WWOX: variants seen among roughly 807,000 people sequenced by gnomAD.
The protein encoded by WWOX is WW domain-containing oxidoreductase.
Under a neutral mutation model 46.2 loss-of-function variants are expected in WWOX, and 69 were observed. The ratio of observed to expected loss-of-function variants is 1.49; its 90% CI spans 1.23 to 1.82. WWOX has a LOEUF of 1.82. Ranked by LOEUF, WWOX falls within the 40% of genes most tolerant of loss-of-function variation. The pLI is 0.00. For synonymous variants in WWOX, 359 were observed against 202.6 expected, an observed-to-expected ratio of 1.77 and a Z score of -6.56; for missense variants, 919 against 542.6, an observed-to-expected ratio of 1.69 and a Z score of -6.89.
chr16:78,174,576 C>T (rs992582009), intron 5 of WWOX, among the ~76,000 whole-genome samples: 3 of 152,202 alleles, frequency 2.0e-5, no homozygotes, highest in South Asian at 4.1e-4. Flanking sequence ...TCCCCAAAAT[C>T]TTAACTCATT....
At chr16:78,993,636 A>G (rs1597249355) in intron 8 of WWOX, among the ~76,000 whole-genome samples, 1 of 152,246 alleles carries the variant, frequency 6.6e-6, no homozygotes, top group South Asian at 2.1e-4. Context: ...CTCCAGAGTG[A>G]GCCCATGGCT....
chr16:78,850,043 G>T (rs1304515097), intron 8 of WWOX, among the ~76,000 whole-genome samples: 2 of 151,872 alleles, frequency 1.3e-5, no homozygotes, highest in East Asian at 1.9e-4. Context: ...TTGCACTCCA[G>T]CCTGGGCAAC....
chr16:78,142,142 A>G (rs545469033), intron 4 of WWOX, among the ~76,000 whole-genome samples: 65 of 152,246 alleles, frequency 4.3e-4, no homozygotes, highest in African/African-American at 1.6e-3. Context: ...AACTAGAAAT[A>G]TTTGTTATTA....
intron 8 of WWOX, among the ~76,000 whole-genome samples, chr16:78,913,080 C>A (rs2045153706): frequency 6.6e-6 from 1 of 151,920 alleles, no homozygotes; most frequent in Non-Finnish European, 1.5e-5. Flanking sequence ...GGATTTCAGC[C>A]CTAGCTTTTG....
At chr16:79,178,892 G>A (rs2050855151) in intron 8 of WWOX, among the ~76,000 whole-genome samples, 1 of 152,064 alleles carries the variant, frequency 6.6e-6, no homozygotes, top group Admixed American at 6.5e-5. Flanking sequence ...CTTCATGGTG[G>A]CACAGAGAGC....
Position 78,383,496 on chromosome 16 carries a change from C to T in WWOX, c.517-3364C>T, listed in dbSNP as rs12448513. Among the ~76,000 whole-genome samples the T allele has an allele frequency of 6.6e-3, 1,001 of 152,166 alleles. 11 individuals are homozygous for T. The highest frequency in any genetic ancestry group is 0.023 in the African/African-American group (943 of 41,522). On this transcript the variant is annotated intron_variant, in intron 5 of 8. Coordinates refer to ENST00000566780, the MANE Select transcript of WWOX (RefSeq NM_016373.4). ...GGGAGGAAATCTCACCTTGGCAGATCGAGTCTCTTGTCCTCGCCTAACAAT... is the reference window on the plus strand; with the variant it reads ...GGGAGGAAATCTCACCTTGGCAGATTGAGTCTCTTGTCCTCGCCTAACAAT...
chr16:78,678,321 G>A (rs1009238647), intron 8 of WWOX, among the ~76,000 whole-genome samples: 1 of 152,200 alleles, frequency 6.6e-6, no homozygotes, highest in African/African-American at 2.4e-5. Flanking sequence ...GGCTGCAGTA[G>A]GGTATGAGCG....
At chr16:78,291,113 A>G (rs1693285091) in intron 5 of WWOX, among the ~76,000 whole-genome samples, 1 of 152,200 alleles carries the variant, frequency 6.6e-6, no homozygotes, top group South Asian at 2.1e-4. Context: ...GATGTTTTTC[A>G]GTAGTGTCAT....
At chr16:79,152,607 G>A (rs2050302621) in intron 8 of WWOX, among the ~76,000 whole-genome samples, 2 of 151,642 alleles carry the variant, frequency 1.3e-5, no homozygotes, top group Non-Finnish European at 2.9e-5. Context: ...GGAGGCAGAG[G>A]TTGCAGTGAG....
intron 8 of WWOX, among the ~76,000 whole-genome samples, chr16:79,117,033 A>G (rs375503566): frequency 5.5e-5 from 8 of 146,356 alleles, no homozygotes; most frequent in African/African-American, 1.7e-4. Context: ...ATTGTCAACA[A>G]GTGGAATATT....
rs191500280 is a variant in WWOX at position 78,632,467 on chromosome 16, A to C, written c.1056+199715A>C. On this transcript the variant is annotated intron_variant, in intron 8 of 8. Transcript: ENST00000566780. Reference sequence around the variant, plus strand: ...TTTTTGAAGAGGGTGTAGGCCAAGAAAGGGGTGGGAGAAACGAGCAAGGTG... The same window carrying C: ...TTTTTGAAGAGGGTGTAGGCCAAGACAGGGGTGGGAGAAACGAGCAAGGTG... Among the ~76,000 whole-genome samples, 165 of 151,776 alleles carry C rather than the reference A, an allele frequency of 1.1e-3. 1 individual carries two copies. The highest frequency in any genetic ancestry group is 3.8e-3 in the African/African-American group (159 of 41,408).
chr16:78,157,956 C>A (rs551876118), intron 4 of WWOX, among the ~76,000 whole-genome samples: 2 of 152,188 alleles, frequency 1.3e-5, no homozygotes, highest in African/African-American at 4.8e-5. Context: ...GTTAGGCTCT[C>A]AATATATGTT....
chr16:78,722,698 G>GTTTTTT (rs56266240), intron 8 of WWOX, among the ~76,000 whole-genome samples: 7 of 116,296 alleles, frequency 6.0e-5, no homozygotes, highest in Non-Finnish European at 5.2e-5. Context: ...GTTTGTCTCT[G>GTTTTTT]TTTTTTTTTT....
At chr16:78,558,428 C>T (rs531902494) in intron 8 of WWOX, among the ~76,000 whole-genome samples, 17 of 152,336 alleles carry the variant, frequency 1.1e-4, no homozygotes, top group African/African-American at 3.6e-4. Context: ...CTGCTTATCT[C>T]GACAAAGCAG....
chr16:78,722,253 T>C (rs937464817), intron 8 of WWOX, among the ~76,000 whole-genome samples: 6 of 152,112 alleles, frequency 3.9e-5, no homozygotes, highest in Non-Finnish European at 7.4e-5. Context: ...CAGACGGACT[T>C]GGGGTTCAGT....
intron 4 of WWOX, among the ~76,000 whole-genome samples, chr16:78,125,784 G>C (rs1326452105): frequency 6.6e-6 from 1 of 152,122 alleles, no homozygotes; most frequent in Non-Finnish European, 1.5e-5. Flanking sequence ...TAAGGAATAA[G>C]TCTGGGGGAA....
chr16:78,968,417 G>A (rs774336621), intron 8 of WWOX, among the ~76,000 whole-genome samples: 2 of 152,228 alleles, frequency 1.3e-5, no homozygotes, highest in Non-Finnish European at 2.9e-5. Flanking sequence ...CCAGGTCCTG[G>A]TGGTAGCCAA....
At chr16:78,129,501 G>A (rs1008227453) in intron 4 of WWOX, among the ~76,000 whole-genome samples, 5 of 152,112 alleles carry the variant, frequency 3.3e-5, no homozygotes, top group Admixed American at 1.3e-4. Context: ...TGGGACTGCC[G>A]TTGTGTGTGC....
At chr16:78,651,655 G>A (rs1020231735) in intron 8 of WWOX, among the ~76,000 whole-genome samples, 2 of 152,188 alleles carry the variant, frequency 1.3e-5, no homozygotes, top group African/African-American at 4.8e-5. Context: ...CCCAGGCCAT[G>A]ACCACTGCCT....
Sources: gnomAD v4.1 joint callset for allele counts (sites outside exome capture counted in the v4.1 genomes callset) on GRCh38, gnomAD v4.1.1 for gene constraint, MANE v1.5 for transcripts, NCBI Gene and HGNC (gene_info 2026-07-23, HGNC 2026-07-21) for gene names.